Variants in NGLY1 observed in about 807,000 individuals in gnomAD.
The protein encoded by NGLY1 is peptide-N(4)-(N-acetyl-beta-glucosaminyl)asparagine amidase.
In NGLY1, 68 loss-of-function variants were observed where a neutral mutation model predicts 84.6. That is an observed-to-expected ratio of 0.80 (90% CI 0.66 to 0.98). The LOEUF is 0.98. NGLY1 is among the 50% of genes least tolerant of loss of function. NGLY1 has a pLI of 0.00. For missense variants in NGLY1, 779 were observed against 770.2 expected, an observed-to-expected ratio of 1.01 and a Z score of -0.14; for synonymous variants, 280 against 275.2, an observed-to-expected ratio of 1.02 and a Z score of -0.17.
chr3:25,756,755 G>A (rs1159358930), intron 3 of NGLY1, among the ~76,000 whole-genome samples: 1 of 152,064 alleles, frequency 6.6e-6, no homozygotes, highest in East Asian at 1.9e-4. Flanking sequence ...CATATAAGAT[G>A]GGATCAAACC....
In NGLY1 at chr3:25,732,321, G is replaced by A; in HGVS notation, c.1423C>T (p.Gln475Ter). The change falls in exon 9 of 12, where the codon CAG (glutamine) becomes TAG (stop). Residue 475 changes from glutamine (Q) to a stop codon, truncating the protein, a stop_gained and splice_region_variant. Transcript: ENST00000280700. LOFTEE classifies it high-confidence loss of function. Reference sequence around the variant, plus strand: ...TCATGCTAGAATGAATTAAATACCTGTAGACCCATTTCACCTCGGGCTACT... The same window carrying A: ...TCATGCTAGAATGAATTAAATACCTATAGACCCATTTCACCTCGGGCTACT... ...WRVARGEMGLQRKETLFIPCE... is the reference protein window; with the variant it reads ...WRVARGEMGL 1 of 1,613,190 alleles carries A rather than the reference G, an allele frequency of 6.2e-7. No homozygotes were observed. The highest frequency in any genetic ancestry group is 8.5e-7 in the Non-Finnish European group (1 of 1,179,398).
At chr3:25,725,138 T>C (rs181034248) in intron 10 of NGLY1, among the ~76,000 whole-genome samples, 193 of 152,288 alleles carry the variant, frequency 1.3e-3, no homozygotes, top group African/African-American at 4.5e-3. Flanking sequence ...CAGACAGGCT[T>C]TGCTGGGTTT....
upstream of NGLY1, among the ~76,000 whole-genome samples, chr3:25,783,737 G>A (rs1708536533): frequency 1.3e-5 from 2 of 152,088 alleles, no homozygotes; most frequent in Non-Finnish European, 2.9e-5. This position sits in a 1 kb window ranked among gnomAD's most constrained non-coding sequence, Gnocchi z 4.5. Context: ...GCAGGGGCGA[G>A]GTGCTTCGAC....
chr3:25,734,783 T>C (rs1450860631), intron 7 of NGLY1: 2 of 935,516 alleles, frequency 2.1e-6, no homozygotes, highest in Non-Finnish European at 2.6e-6. Flanking sequence ...CACTTATTCA[T>C]TCCTAAACAG....
chr3:25,779,580 A>G (rs1237066338), intron 1 of NGLY1, among the ~76,000 whole-genome samples: 1 of 150,480 alleles, frequency 6.6e-6, no homozygotes, highest in East Asian at 1.9e-4. Context: ...AGGAAGATGT[A>G]CTTCCATAAG....
At chr3:25,736,842 C>T (rs1705849820) in intron 6 of NGLY1, 2 of 160,068 alleles carry the variant, frequency 1.2e-5, no homozygotes, top group African/African-American at 4.8e-5. Context: ...ACTATAAATG[C>T]CACGGTAAAT....
chr3:25,760,954 T>C (rs1034566982), intron 3 of NGLY1, among the ~76,000 whole-genome samples: 2 of 145,104 alleles, frequency 1.4e-5, no homozygotes, highest in African/African-American at 2.6e-5. Context: ...GACTAAGAGG[T>C]TGCCTTATTG....
At chr3:25,721,748 CAAAAAAAA>C (rs59028606) in intron 10 of NGLY1, among the ~76,000 whole-genome samples, 3 of 50,698 alleles carry the variant, frequency 5.9e-5, no homozygotes, top group African/African-American at 1.8e-4. Flanking sequence ...GACTCCATCT[CAAAAAAAA>C]AAAAAAAAAA....
chr3:25,720,340 C>T lies in NGLY1; in HGVS notation c.1612-149G>A, dbSNP rs1704922483. ...CTTTTCCCTGTTGAAAAGGTTCTTA[C>T]TGCTAACATTTTTTTTGGCAATTTT... is the stretch of plus-strand genomic sequence containing the variant. On this transcript the variant is annotated intron_variant, in intron 10 of 11. Coordinates refer to ENST00000280700, the MANE Select transcript of NGLY1 (RefSeq NM_018297.4). 8.4e-6 allele frequency: 5 copies of T among 594,756 alleles called. 1 individual carries two copies. Among genetic ancestry groups the T allele is most frequent in the African/African-American group, 5.7e-5 (3 of 52,864 alleles). The allele number at this position is 594,756 out of a possible 1,614,324, so 36.8% of individuals were successfully genotyped here. A position where few individuals can be genotyped will look rare whatever the true frequency, so the allele number is the denominator to read the frequency against.
At position 25,783,180 on chromosome 3, in the gene NGLY1, G is replaced by A; in HGVS notation, c.131+80C>T. On this transcript the variant is annotated intron_variant, in intron 1 of 11. Transcript: ENST00000280700. The surrounding 1 kb of genome is among the most constrained non-coding windows in gnomAD (Gnocchi z 4.5). ...GTCGCTGCCCTCTGAAGCTCAGGCC[G>A]GACGCCCCAGTCCCTGGCCGAACAA... The A allele has an allele frequency of 7.5e-7, 1 of 1,334,166 alleles. No homozygotes were observed. Among genetic ancestry groups the A allele is most frequent in the Non-Finnish European group, 1.1e-6 (1 of 945,936 alleles). The allele number at this position is 1,334,166 out of a possible 1,614,324, so 82.6% of individuals were successfully genotyped here.
chr3:25,736,525 G>T, intron 6 of NGLY1: 1 of 655,444 alleles, frequency 1.5e-6, no homozygotes, highest in Non-Finnish European at 2.6e-6. Flanking sequence ...CCCAGAACCA[G>T]CAGGAAGTCT....
chr3:25,788,574 C>T (rs1708652485), intron 1 of NGLY1, among the ~76,000 whole-genome samples: 1 of 152,088 alleles, frequency 6.6e-6, no homozygotes, highest in Admixed American at 6.5e-5. Context: ...CACCTCTTAG[C>T]CAAGACGATT....
intron 3 of NGLY1, among the ~76,000 whole-genome samples, chr3:25,752,481 A>G (rs1173337254): frequency 6.6e-6 from 1 of 151,972 alleles, no homozygotes; most frequent in East Asian, 1.9e-4. Flanking sequence ...CAGCCTCCCA[A>G]AGTGCTGGGA....
intron 8 of NGLY1, 81 bp from the exon 9 acceptor site, chr3:25,732,564 C>T (rs909705419): frequency 6.1e-6 from 6 of 977,220 alleles, no homozygotes; most frequent in East Asian, 2.5e-5. Context: ...ATACTTAAAA[C>T]ACTTGCATTT....
In NGLY1 at chr3:25,723,894, T is replaced by A. The variant is rs1196549538; in HGVS notation, c.1612-3703A>T. Among the ~76,000 whole-genome samples the A allele has an allele frequency of 2.0e-5, 3 of 152,216 alleles. No individual in the cohort carries two copies. In the East Asian group the frequency reaches 5.8e-4, roughly 29 times the overall value. ...TGGAGGTTTTCTCCTGTATTCTATA[T>A]ATACCACCCAACCCCTCCTCCCACC... On this transcript the variant is annotated intron_variant, in intron 10 of 11. Coordinates refer to ENST00000280700, the MANE Select transcript of NGLY1 (RefSeq NM_018297.4).
Position 25,751,084 on chromosome 3 carries a change from T to C in NGLY1, c.658+14A>G, listed in dbSNP as rs759297828. The C allele has an allele frequency of 3.7e-6, 6 of 1,602,738 alleles. No homozygotes were observed. Among genetic ancestry groups the C allele is most frequent in the Admixed American group, 3.4e-5 (2 of 58,146 alleles). Reference sequence around the variant, plus strand: ...ATTTACATTTAGCAATAAATGATTATGTAAAGCTACTACCTTTATCCAATT... The same window carrying C: ...ATTTACATTTAGCAATAAATGATTACGTAAAGCTACTACCTTTATCCAATT... On this transcript the variant is annotated intron_variant, in intron 4 of 11. Coordinates refer to ENST00000280700, the MANE Select transcript of NGLY1 (RefSeq NM_018297.4).
chr3:25,733,472 T>C (rs1296810779), intron 8 of NGLY1, among the ~76,000 whole-genome samples: 141 of 56,254 alleles, frequency 2.5e-3, no homozygotes, highest in African/African-American at 7.9e-3. Flanking sequence ...TGGACGTGTG[T>C]GTGTGTGTGT....
chr3:25,725,398 A>G (rs1205591070), intron 10 of NGLY1, among the ~76,000 whole-genome samples: 2 of 152,156 alleles, frequency 1.3e-5, no homozygotes, highest in African/African-American at 2.4e-5. Context: ...AATATTCTTT[A>G]TAATAAACCA....
upstream of NGLY1, chr3:25,784,175 C>A (rs1475293238): frequency 6.6e-6 from 1 of 152,186 alleles, no homozygotes; most frequent in Admixed American, 6.5e-5. Context: ...TATATGGATT[C>A]TTTTCAGAAT....
Sources: gnomAD v4.1 joint callset for allele counts (sites outside exome capture counted in the v4.1 genomes callset) on GRCh38, gnomAD v4.1.1 for gene constraint, Gnocchi (gnomAD v3.1) non-coding constraint, MANE v1.5 for transcripts, NCBI Gene and HGNC (gene_info 2026-07-23, HGNC 2026-07-21) for gene names.